The following SEC24D variants were observed in gnomAD, a reference collection of about 807,000 sequenced individuals.
SEC24D encodes the protein SEC24 homolog D, COPII component, also known as protein transport protein Sec24D.
SEC24D carries 69 observed loss-of-function variants against 116.9 expected under a neutral mutation model. The ratio of observed to expected loss-of-function variants is 0.59; its 90% CI spans 0.49 to 0.72. The LOEUF (loss-of-function observed/expected upper bound fraction) is 0.72. Among genes scored for constraint, SEC24D ranks in the 30% least tolerant of loss-of-function variants. The probability of loss-of-function intolerance (pLI) is 0.00; values close to 1 mark genes in which losing one functional copy is unlikely to be tolerated. For missense variants in SEC24D, 1,131 were observed against 1,264.1 expected (o/e 0.89, Z 1.60); for synonymous variants, 405 against 442.8 (o/e 0.91, Z 1.07).
intron 17 of SEC24D, among the ~76,000 whole-genome samples, chr4:118,740,025 TG>T (rs985077507): frequency 5.3e-5 from 8 of 152,264 alleles, no homozygotes; most frequent in Admixed American, 2.6e-4. Flanking sequence ...TATTTGGAGA[TG>T]AGGTATTTAA....
At chr4:118,746,908 C>T (rs1726565651) in intron 13 of SEC24D, among the ~76,000 whole-genome samples, 1 of 152,062 alleles carries the variant, frequency 6.6e-6, no homozygotes, top group Admixed American at 6.6e-5. Context: ...GGTGAAGACA[C>T]AGCTGACACA....
chr4:118,819,191 C>T (rs1042899695), intron 3 of SEC24D, among the ~76,000 whole-genome samples: 3 of 152,010 alleles, frequency 2.0e-5, no homozygotes, highest in African/African-American at 4.8e-5. Context: ...TTTCCTAAGA[C>T]GAAAACATTT....
intron 12 of SEC24D, 102 bp downstream of exon 12, chr4:118,752,595 C>A: frequency 4.0e-6 from 3 of 756,624 alleles, no homozygotes; most frequent in Non-Finnish European, 6.3e-6. Context: ...TCTTGAAACC[C>A]CCTTGCTAAT....
chr4:118,725,856 G>C (rs542262852), intron 22 of SEC24D, among the ~76,000 whole-genome samples: 1 of 152,152 alleles, frequency 6.6e-6, no homozygotes, highest in East Asian at 1.9e-4. Flanking sequence ...GTATTGGCCT[G>C]TCTTGACACA....
chr4:118,754,335 C>T (rs183680304), intron 11 of SEC24D, among the ~76,000 whole-genome samples: 1 of 152,258 alleles, frequency 6.6e-6, no homozygotes, highest in Admixed American at 6.5e-5. Flanking sequence ...TGCATCCATA[C>T]TCACCCCAAC....
intron 8 of SEC24D, among the ~76,000 whole-genome samples, chr4:118,786,734 TG>T (rs977694057): frequency 7.0e-4 from 106 of 152,306 alleles, no homozygotes; most frequent in African/African-American, 2.5e-3. Context: ...TCGTCTGTGG[TG>T]GCTTCTCAAT....
At chr4:118,817,127 T>C in intron 4 of SEC24D, 137 bp downstream of exon 4, 1 of 696,080 alleles carries the variant, frequency 1.4e-6, no homozygotes, top group Non-Finnish European at 2.4e-6. Flanking sequence ...ATAGATGCTT[T>C]ATTATTAAAA....
At chr4:118,789,131 T>C (rs1213841244) in intron 8 of SEC24D, among the ~76,000 whole-genome samples, 2 of 152,234 alleles carry the variant, frequency 1.3e-5, no homozygotes, top group Admixed American at 6.5e-5. Flanking sequence ...TTTGGAATCT[T>C]GAGTTCCAGC....
chr4:118,806,799 C>G (rs1402071674), intron 6 of SEC24D, among the ~76,000 whole-genome samples: 2 of 152,062 alleles, frequency 1.3e-5, no homozygotes, highest in Non-Finnish European at 1.5e-5. Flanking sequence ...GCCTGGGCAA[C>G]AGAGTGAGGC....
At chr4:118,780,887 G>C (rs1728367008) in intron 8 of SEC24D, among the ~76,000 whole-genome samples, 1 of 144,470 alleles carries the variant, frequency 6.9e-6, no homozygotes, top group Non-Finnish European at 1.5e-5. Context: ...TTTTATCAGA[G>C]ACTAGGATTG....
At chr4:118,753,741 G>C (rs1324357742) in intron 11 of SEC24D, among the ~76,000 whole-genome samples, 1 of 151,970 alleles carries the variant, frequency 6.6e-6, no homozygotes, top group Non-Finnish European at 1.5e-5. Flanking sequence ...TCCCCTAAAA[G>C]AAAACACATA....
chr4:118,768,112 A>T, intron 9 of SEC24D, 61 bp downstream of exon 9: 1 of 1,395,364 alleles, frequency 7.2e-7, no homozygotes, highest in Non-Finnish European at 1.0e-6. Flanking sequence ...CTAAACTAAG[A>T]AGTATAATAC....
At chr4:118,808,464 G>C (rs1474980769) in intron 6 of SEC24D, among the ~76,000 whole-genome samples, 1 of 152,164 alleles carries the variant, frequency 6.6e-6, no homozygotes, top group East Asian at 1.9e-4. Flanking sequence ...TGCCTCCAAA[G>C]AAACAGTGTT....
At chr4:118,739,117 T>A in intron 18 of SEC24D, 32 bp downstream of exon 18, 1 of 1,610,442 alleles carries the variant, frequency 6.2e-7, no homozygotes, top group South Asian at 1.1e-5. Flanking sequence ...CTAAGCAAGG[T>A]TTACTGAACC....
rs570346556 is a variant in SEC24D, at chr4:118,778,464, A to G, written c.1042-10153T>C. Among the ~76,000 whole-genome samples, 256 of 152,226 alleles carry G rather than the reference A, an allele frequency of 1.7e-3. 1 individual carries two copies. The highest frequency in any genetic ancestry group is 3.0e-3 in the Non-Finnish European group (207 of 68,010). ...GGCCTCTGTTCTGTTCCACTGGTCT[A>G]TATCTCTGTTTTGGTACCAGTACCA... On this transcript the variant is annotated intron_variant, in intron 8 of 22. Coordinates refer to ENST00000280551, the MANE Select transcript of SEC24D (RefSeq NM_014822.4).
rs749184912 is a variant in SEC24D, at chr4:118,731,430, T to C, written c.2754A>G (p.Ile918Met). The change falls in exon 21 of 23, where the codon ATA (isoleucine) becomes ATG (methionine). Residue 918 changes from isoleucine to methionine, a missense_variant. By Grantham distance (10) the Ile-to-Met change is conservative (BLOSUM62 1). Transcript: ENST00000280551. ...TGTGTAGACCATTAGCCAGTAAGAA[T>C]ATTCCTTCTTCTGAAAGACGGGACT... ...CSESRLSEEGIFLLANGLHMF... is the reference protein window; with the variant it reads ...CSESRLSEEGMFLLANGLHMF... 1 of 1,614,046 alleles carries C rather than the reference T, an allele frequency of 6.2e-7. No individual in the cohort carries two copies. Among genetic ancestry groups the C allele is most frequent in the Non-Finnish European group, 8.5e-7 (1 of 1,179,896 alleles).
intron 2 of SEC24D, 56 bp downstream of exon 2, chr4:118,833,523 T>C (rs942369016): frequency 1.0e-5 from 12 of 1,163,284 alleles, no homozygotes; most frequent in Non-Finnish European, 1.5e-5. Context: ...GAACATCTTA[T>C]GTCTCTGAGC....
chr4:118,740,746 C>G lies in SEC24D; in HGVS notation c.2155G>C (p.Ala719Pro). The G allele has an allele frequency of 6.2e-7, 1 of 1,613,898 alleles. No homozygotes were observed. The highest frequency in any genetic ancestry group is 1.1e-5 in the South Asian group (1 of 91,066). ...ACTGCCTTGTCACAATCGATGGCAG[C>G]CATTTCTACATCGGTGGTGTTGTTC... ...LMNNTTDVEM[A>P]AIDCDKAVTV... is the part of the protein sequence containing the mutation. Residue 719 changes from alanine to proline, a missense_variant, in exon 17 of 23, where the codon GCT becomes CCT. Coordinates refer to ENST00000280551, the MANE Select transcript of SEC24D (RefSeq NM_014822.4).
At chr4:118,770,361 A>T (rs1253772711) in intron 8 of SEC24D, among the ~76,000 whole-genome samples, 1 of 152,210 alleles carries the variant, frequency 6.6e-6, no homozygotes, top group African/African-American at 2.4e-5. Flanking sequence ...TTCTTAGAAC[A>T]ATAAATGGAA....
Sources: gnomAD v4.1 joint callset for allele counts (sites outside exome capture counted in the v4.1 genomes callset) on GRCh38, gnomAD v4.1.1 for gene constraint, MANE v1.5 for transcripts, NCBI Gene and HGNC (gene_info 2026-07-23, HGNC 2026-07-21) for gene names.